Variants in PTPRJ observed in about 807,000 individuals in gnomAD.
PTPRJ encodes the protein receptor-type tyrosine-protein phosphatase eta.
In PTPRJ, 129 loss-of-function variants were observed where a neutral mutation model predicts 141.3. That is an observed-to-expected ratio of 0.91 (90% CI 0.79 to 1.06). The LOEUF (loss-of-function observed/expected upper bound fraction) is 1.06, where lower values mean the gene tolerates loss of function less well. Among genes scored for constraint, PTPRJ ranks in the 50% least tolerant of loss-of-function variants. PTPRJ has a pLI of 0.00. For synonymous variants in PTPRJ, 610 were observed against 640.5 expected, an observed-to-expected ratio of 0.95 and a Z score of 0.72; for missense variants, 1,601 against 1,679.7, an observed-to-expected ratio of 0.95 and a Z score of 0.82.
At chr11:48,106,763 C>CTTTTTTTTTTTTT (rs35643138) in intron 1 of PTPRJ, among the ~76,000 whole-genome samples, 4 of 86,438 alleles carry the variant, frequency 4.6e-5, no homozygotes, top group African/African-American at 1.7e-4. Flanking sequence ...TTCTTTCTTT[C>CTTTTTTTTTTTTT]TTTTTTTTTT....
chr11:48,110,156 T>G (rs1345901486), intron 2 of PTPRJ, 80 bp downstream of exon 2: 1 of 1,399,974 alleles, frequency 7.1e-7, no homozygotes. Flanking sequence ...AACAGCAATG[T>G]GAAATGCTAA....
rs999766779 is a variant in PTPRJ at position 48,158,114 on chromosome 11, T to C, written c.3439-1816T>C. On this transcript the variant is annotated intron_variant, in intron 21 of 24. Transcript: ENST00000418331. The surrounding 1 kb of genome is among the most constrained non-coding windows in gnomAD (Gnocchi z 4.4). ...TTGCAGTGAGCCAAGATTGCACCAC[T>C]GCACTCCAGCCTAGGCAACAGAGCA... 1.3e-5 allele frequency among the ~76,000 whole-genome samples: 2 copies of C among 152,176 alleles called. No homozygotes were observed. The highest frequency in any genetic ancestry group is 6.5e-5 in the Admixed American group (1 of 15,274).
intron 1 of PTPRJ, among the ~76,000 whole-genome samples, chr11:48,097,270 T>C (rs1856031219): frequency 6.6e-6 from 1 of 152,178 alleles, no homozygotes; most frequent in South Asian, 2.1e-4. Context: ...TCTCACTTTC[T>C]AGGTAGTAGG....
chr11:48,003,074 GTTT>G (rs1395976456), intron 1 of PTPRJ, among the ~76,000 whole-genome samples: 4 of 152,128 alleles, frequency 2.6e-5, no homozygotes, highest in African/African-American at 9.7e-5. Context: ...AGCAGGGACC[GTTT>G]CAGGTCCTTT....
In PTPRJ at chr11:48,130,237, A is replaced by G. The variant is rs566045998; in HGVS notation, c.1358-222A>G. On this transcript the variant is annotated intron_variant, in intron 7 of 24. Transcript: ENST00000418331. ...CATTTCCTGTGAATGATTGTGTGCA[A>G]TGTAAGCACAGAGCTTCTGCACTCT... Among the ~76,000 whole-genome samples, 19 of 151,904 alleles carry G rather than the reference A, an allele frequency of 1.3e-4. No individual in the cohort carries two copies. In the South Asian group the frequency reaches 1.9e-3, roughly 15 times the overall value.
intron 1 of PTPRJ, among the ~76,000 whole-genome samples, chr11:48,073,487 G>A (rs1267422280): frequency 6.6e-6 from 1 of 152,194 alleles, no homozygotes; most frequent in African/African-American, 2.4e-5. Flanking sequence ...TTAGCACAGT[G>A]TTTACTAGCA....
intron 18 of PTPRJ, among the ~76,000 whole-genome samples, chr11:48,152,725 T>A (rs1446864987): frequency 6.6e-6 from 1 of 152,336 alleles, no homozygotes; most frequent in South Asian, 2.1e-4. Context: ...TTGTCAAAGA[T>A]CAGATGGTTG....
intron 17 of PTPRJ, 36 bp downstream of exon 17, chr11:48,150,034 C>G: frequency 6.5e-7 from 1 of 1,527,682 alleles, no homozygotes; most frequent in Non-Finnish European, 9.0e-7. Flanking sequence ...ATAACTTGTA[C>G]TTTTCTATTG....
rs528286305 is a variant in PTPRJ, at chr11:48,144,290, C to T, written c.2576-385C>T. Among the ~76,000 whole-genome samples, 86 of 152,294 alleles carry T rather than the reference C, an allele frequency of 5.6e-4. 1 individual carries two copies. The highest frequency in any genetic ancestry group is 1.6e-3 in the Admixed American group (25 of 15,306). On this transcript the variant is annotated intron_variant, in intron 12 of 24. Transcript: ENST00000418331. Reference sequence around the variant, plus strand: ...GTCAGCAAGTCCCATTGAGGAAGGCCATGTTGCATAGCAGCCAGACTGACC... The same window carrying T: ...GTCAGCAAGTCCCATTGAGGAAGGCTATGTTGCATAGCAGCCAGACTGACC...
At chr11:48,062,215 T>TA (rs1280522646) in intron 1 of PTPRJ, among the ~76,000 whole-genome samples, 2 of 150,224 alleles carry the variant, frequency 1.3e-5, no homozygotes, top group Non-Finnish European at 3.0e-5. Context: ...CTAGGTTTCT[T>TA]AAAAAAGTGC....
At chr11:47,992,698 G>T (rs1854227784) in intron 1 of PTPRJ, among the ~76,000 whole-genome samples, 1 of 152,146 alleles carries the variant, frequency 6.6e-6, no homozygotes, top group Admixed American at 6.5e-5. Context: ...CTGTAAGGCG[G>T]TGTATTTGAA....
Position 48,127,932 on chromosome 11 carries a change from G to T in PTPRJ, c.1246G>T (p.Glu416Ter). The change falls in exon 7 of 25, where the codon GAG (glutamate) becomes TAG (stop). Residue 416 changes from glutamate to a stop codon, truncating the protein, a stop_gained. Transcript: ENST00000418331. LOFTEE classifies it high-confidence loss of function. The part of the protein sequence containing the change: ...ETDSSNLNVS[E>*]PRAVIPGLRS... ...AGATTCTTCCAATCTCAACGTCAGT[G>T]AGCCTCGCGCTGTCATCCCCGGACT... 6.2e-7 allele frequency: 1 copy of T among 1,614,154 alleles called. No individual in the cohort carries two copies.
At chr11:48,029,987 A>G (rs1244482437) in intron 1 of PTPRJ, among the ~76,000 whole-genome samples, 2 of 152,306 alleles carry the variant, frequency 1.3e-5, no homozygotes, top group Admixed American at 1.3e-4. Flanking sequence ...GACAGGGGGA[A>G]ATTTTTATCT....
At chr11:48,153,387 A>C (rs1857528201) in intron 18 of PTPRJ, among the ~76,000 whole-genome samples, 3 of 147,976 alleles carry the variant, frequency 2.0e-5, no homozygotes, top group Non-Finnish European at 3.0e-5. Flanking sequence ...ACAAAAAATT[A>C]GCCAGGCGTG....
chr11:48,088,923 C>G (rs1855786584), intron 1 of PTPRJ, among the ~76,000 whole-genome samples: 1 of 152,184 alleles, frequency 6.6e-6, no homozygotes, highest in Non-Finnish European at 1.5e-5. Flanking sequence ...TCTGCCAAGT[C>G]AGCTCACATG....
At chr11:48,100,904 AAGAT>A (rs1856134090) in intron 1 of PTPRJ, among the ~76,000 whole-genome samples, 1 of 151,938 alleles carries the variant, frequency 6.6e-6, no homozygotes, top group Admixed American at 6.6e-5. Context: ...AAAAAAAAAA[AAGAT>A]CAAATAGACT....
chr11:48,053,171 A>G (rs1449491806), intron 1 of PTPRJ, among the ~76,000 whole-genome samples: 1 of 108,156 alleles, frequency 9.2e-6, no homozygotes, highest in African/African-American at 3.7e-5. Flanking sequence ...ATATATATAA[A>G]AATATATAAA....
intron 1 of PTPRJ, among the ~76,000 whole-genome samples, chr11:47,997,629 G>A (rs1854378880): frequency 6.6e-6 from 1 of 152,102 alleles, no homozygotes; most frequent in African/African-American, 2.4e-5. Flanking sequence ...GGTGGGAAAG[G>A]AACCCCGTGC....
intron 15 of PTPRJ, among the ~76,000 whole-genome samples, chr11:48,147,777 G>A (rs559315823): frequency 5.3e-4 from 81 of 152,280 alleles, no homozygotes; most frequent in Non-Finnish European, 9.1e-4. Flanking sequence ...GGCCCAGGCC[G>A]GTTCCTTGTG....
Sources: gnomAD v4.1 joint callset for allele counts (sites outside exome capture counted in the v4.1 genomes callset) on GRCh38, gnomAD v4.1.1 for gene constraint, Gnocchi (gnomAD v3.1) non-coding constraint, MANE v1.5 for transcripts, NCBI Gene and HGNC (gene_info 2026-07-23, HGNC 2026-07-21) for gene names.